The following YME1L1 variants were observed in gnomAD, a reference collection of about 807,000 sequenced individuals.
YME1L1 encodes the protein ATP-dependent zinc metalloprotease YME1L1.
YME1L1 carries 39 observed loss-of-function variants against 90.4 expected under a neutral mutation model. The observed-to-expected ratio is 0.43, with a 90% CI of 0.33 to 0.56. YME1L1 has a LOEUF of 0.56. Among genes scored for constraint, YME1L1 ranks in the 20% least tolerant of loss-of-function variants. The probability of loss-of-function intolerance (pLI) is 0.03; values close to 1 mark genes in which losing one functional copy is unlikely to be tolerated. For missense variants in YME1L1, 617 were observed against 868.4 expected (o/e 0.71, Z 3.64); for synonymous variants, 284 against 287.3 (o/e 0.99, Z 0.12).
intron 7 of YME1L1, among the ~76,000 whole-genome samples, 165 bp downstream of exon 7, chr10:27,133,874 C>G (rs539688463): frequency 1.3e-5 from 2 of 152,148 alleles, no homozygotes; most frequent in African/African-American, 4.8e-5. Context: ...GGACAGGTAT[C>G]ATTTTCTAAA....
rs1158561830 is a variant in YME1L1 at position 27,154,190 on chromosome 10, C to G, written c.21G>C (p.Thr7=). The G allele has an allele frequency of 3.1e-6, 5 of 1,591,402 alleles. No individual in the cohort carries two copies. The highest frequency in any genetic ancestry group is 4.3e-6 in the Non-Finnish European group (5 of 1,168,142). ...ATGCCTGGCTTACCTGGGGTTGCACCGTGCTCGACAAGGAAAACATCTCCG... is the reference window on the plus strand; with the variant it reads ...ATGCCTGGCTTACCTGGGGTTGCACGGTGCTCGACAAGGAAAACATCTCCG... MFSLSS[T]VQPQVTVPLS... Residue 7 remains threonine (T), a synonymous_variant, in exon 1 of 19, where the codon ACG becomes ACC. Transcript: ENST00000376016.
In YME1L1 at chr10:27,112,204, T is replaced by C. The variant is rs2056765982; in HGVS notation, c.2008-84A>G. 1.6e-6 allele frequency: 2 copies of C among 1,223,464 alleles called. 1 individual carries two copies. The highest frequency in any genetic ancestry group is 3.9e-4 in the Middle Eastern group (2 of 5,096). 75.8% of individuals were successfully genotyped at this position (1,223,464 alleles called of 1,614,324 possible). A position where few individuals can be genotyped will look rare whatever the true frequency, so the allele number is the denominator to read the frequency against. On this transcript the variant is annotated intron_variant, in intron 18 of 18. Transcript: ENST00000376016. ...AATGGGAAGAGAAAGAAAAACTTTA[T>C]GTACCCTAAAAAATATGAAATCTGT...
At chr10:27,135,593 C>G (rs939657390) in intron 5 of YME1L1, among the ~76,000 whole-genome samples, 1 of 152,148 alleles carries the variant, frequency 6.6e-6, no homozygotes, top group Non-Finnish European at 1.5e-5. Context: ...AATCAATAGC[C>G]TTCAGTGCTC....
Position 27,148,901 on chromosome 10 carries a change from C to T in YME1L1, c.168+5G>A, listed in dbSNP as rs1335732136. 1.9e-6 allele frequency: 3 copies of T among 1,613,486 alleles called. No individual in the cohort carries two copies. The South Asian group carries it at 3.3e-5, about 18-fold the overall frequency. On this transcript the variant is annotated splice_donor_5th_base_variant and intron_variant, in intron 2 of 18. Transcript: ENST00000376016. ...CTTTCTCACACAACCAGGATAAAGA[C>T]TTACCTCACTGCTGGGAGCCTCATG... is the stretch of plus-strand genomic sequence containing the variant.
At chr10:27,152,259 T>G (rs1312839960) in intron 1 of YME1L1, among the ~76,000 whole-genome samples, 1 of 152,280 alleles carries the variant, frequency 6.6e-6, no homozygotes, top group Non-Finnish European at 1.5e-5. Flanking sequence ...GAATTAGTTA[T>G]ATCTCTTTTC....
At position 27,149,054 on chromosome 10, in the gene YME1L1, A is replaced by G; in HGVS notation, c.34-14T>C. ...AGGAACTGTAACCTAGAAAAAGATA[A>G]AAGTTAAAAACTAAGTAGTTTTTTT... On this transcript the variant is annotated splice_polypyrimidine_tract_variant and intron_variant, in intron 1 of 18. Transcript: ENST00000376016. The G allele has an allele frequency of 6.3e-7, 1 of 1,581,148 alleles. No homozygotes were observed.
chr10:27,118,817 C>T (rs1278829077), intron 14 of YME1L1, among the ~76,000 whole-genome samples: 4 of 152,058 alleles, frequency 2.6e-5, no homozygotes, highest in Non-Finnish European at 4.4e-5. Flanking sequence ...TATCCTTTTT[C>T]GCAGCAATGT....
At chr10:27,127,107 A>G (rs1416563196) in intron 8 of YME1L1, among the ~76,000 whole-genome samples, 1 of 152,262 alleles carries the variant, frequency 6.6e-6, no homozygotes, top group Admixed American at 6.5e-5. Context: ...ATTCTAAAAC[A>G]TGAAACATAG....
At chr10:27,125,640 TA>T (rs1218556702) in intron 9 of YME1L1, among the ~76,000 whole-genome samples, 3 of 138,778 alleles carry the variant, frequency 2.2e-5, no homozygotes, top group African/African-American at 5.6e-5. Flanking sequence ...TTAAATGTCC[TA>T]TTTTTTTTTT....
chr10:27,137,823 A>G (rs1246007094), intron 4 of YME1L1, among the ~76,000 whole-genome samples: 1 of 152,058 alleles, frequency 6.6e-6, no homozygotes, highest in South Asian at 2.1e-4. Flanking sequence ...GATGTTACAG[A>G]TAGTAATCTT....
chr10:27,131,367 A>G (rs894617310), intron 8 of YME1L1, among the ~76,000 whole-genome samples: 14 of 149,954 alleles, frequency 9.3e-5, no homozygotes, highest in African/African-American at 3.4e-4. Context: ...TAATACTATT[A>G]AATATTTAAC....
intron 2 of YME1L1, 44 bp downstream of exon 2, chr10:27,148,862 G>A (rs775310935): frequency 6.2e-7 from 1 of 1,608,834 alleles, no homozygotes; most frequent in South Asian, 1.1e-5. Context: ...AGGGTCAACT[G>A]TATATCAAAA....
At position 27,149,142 on chromosome 10, in the gene YME1L1, A is replaced by G. The variant is rs2057179753; in HGVS notation, c.34-102T>C. On this transcript the variant is annotated intron_variant, in intron 1 of 18. Coordinates refer to ENST00000376016, the MANE Select transcript of YME1L1 (RefSeq NM_014263.4). The stretch of plus-strand genomic sequence containing the variant: ...TTGTTAAGAGTTAAAGGTACATTAT[A>G]TATCAACTCTGTATACTAAAAACTG... 5 of 1,025,198 alleles carry G rather than the reference A, an allele frequency of 4.9e-6. No individual in the cohort carries two copies. The East Asian group carries it at 7.6e-5, about 15-fold the overall frequency. 63.5% of individuals were successfully genotyped at this position (1,025,198 alleles called of 1,614,324 possible).
At chr10:27,134,489 C>A (rs1172070930) in intron 6 of YME1L1, among the ~76,000 whole-genome samples, 1 of 152,206 alleles carries the variant, frequency 6.6e-6, no homozygotes, top group East Asian at 1.9e-4. Flanking sequence ...GTGAGAGGAT[C>A]ACTTGAGCCC....
intron 5 of YME1L1, among the ~76,000 whole-genome samples, chr10:27,135,257 T>C (rs181637606): frequency 5.3e-4 from 81 of 152,308 alleles, no homozygotes; most frequent in Admixed American, 5.2e-3. Flanking sequence ...TAGGGTTTGA[T>C]TGGCTTAATG....
intron 3 of YME1L1, among the ~76,000 whole-genome samples, chr10:27,143,504 C>A (rs1329778460): frequency 6.6e-6 from 1 of 151,688 alleles, no homozygotes; most frequent in Admixed American, 6.6e-5. Flanking sequence ...TACAGACCAT[C>A]CTGGCTAACA....
chr10:27,112,139 T>C lies in YME1L1; in HGVS notation c.2008-19A>G, dbSNP rs761438790. 7.5e-6 allele frequency: 12 copies of C among 1,593,664 alleles called. No individual in the cohort carries two copies. Among genetic ancestry groups the C allele is most frequent in the East Asian group, 4.5e-5 (2 of 44,580 alleles). On this transcript the variant is annotated intron_variant, in intron 18 of 18. Coordinates refer to ENST00000376016, the MANE Select transcript of YME1L1 (RefSeq NM_014263.4). ...ATGAGTCCTGAAACAGAAAAGGAGA[T>C]ACGTAAGCAGCAGCAAATGCAGGGA... is the stretch of plus-strand genomic sequence containing the variant.
chr10:27,120,483 G>T lies in YME1L1; in HGVS notation c.1363C>A (p.Arg455=). 1 of 1,613,616 alleles carries T rather than the reference G, an allele frequency of 6.2e-7. No individual in the cohort carries two copies. The highest frequency in any genetic ancestry group is 1.1e-5 in the South Asian group (1 of 91,034). The part of the protein sequence containing the change: ...VTVPRPDVKG[R]TEILKWYLNK... Reference sequence around the variant, plus strand: ...AGATACCATTTCAAAATTTCTGTTCGACCTTTTACATCTGGCCTTGGAACT... The same window carrying T: ...AGATACCATTTCAAAATTTCTGTTCTACCTTTTACATCTGGCCTTGGAACT... Residue 455 remains arginine, a synonymous_variant, in exon 13 of 19, where the codon CGA becomes AGA. Coordinates refer to ENST00000376016, the MANE Select transcript of YME1L1 (RefSeq NM_014263.4).
intron 4 of YME1L1, among the ~76,000 whole-genome samples, chr10:27,137,521 G>C (rs1355457471): frequency 3.9e-5 from 6 of 152,152 alleles, no homozygotes; most frequent in African/African-American, 1.2e-4. Flanking sequence ...GACACTAAGA[G>C]ACTACTTTCT....
Sources: allele counts gnomAD v4.1 joint callset (sites outside exome capture counted in the v4.1 genomes callset), GRCh38; gene constraint gnomAD v4.1.1; transcripts MANE v1.5; gene names NCBI Gene and HGNC (gene_info 2026-07-23, HGNC 2026-07-21).